The following PLD5 variants were observed in gnomAD, a reference collection of about 807,000 sequenced individuals.
PLD5 encodes inactive phospholipase D5.
PLD5 carries 36 observed loss-of-function variants against 61.1 expected under a neutral mutation model. The observed-to-expected ratio is 0.59, with a 90% confidence interval of 0.45 to 0.78. The LOEUF is 0.78. Ranked by LOEUF, PLD5 falls within the 30% of genes least tolerant of loss-of-function variation. The pLI is 0.00. For synonymous variants in PLD5, 243 were observed against 242.8 expected (o/e 1.00, Z -0.01); for missense variants, 515 against 644.4 (o/e 0.80, Z 2.17).
chr1:242,270,516 G>A (rs3001675), intron 3 of PLD5, among the ~76,000 whole-genome samples: 5 of 151,814 alleles, frequency 3.3e-5, no homozygotes, highest in African/African-American at 9.7e-5. Flanking sequence ...TGTTAAAGTC[G>A]GAAAAGGAAG....
At position 242,443,253 on chromosome 1, in the gene PLD5, A is replaced by T. The variant is rs536068516; in HGVS notation, c.189+80835T>A. Among the ~76,000 whole-genome samples the T allele has an allele frequency of 2.1e-3, 326 of 152,348 alleles. 1 individual carries two copies. Among genetic ancestry groups the T allele is most frequent in the Non-Finnish European group, 2.9e-3 (200 of 68,026 alleles). On this transcript the variant is annotated intron_variant, in intron 1 of 9. Transcript: ENST00000536534. Reference sequence around the variant, plus strand: ...ATTTTGTTTTTACTATTGAAAACAAAATAAGCACAGTGGTAAAATAAAAGA... The same window carrying T: ...ATTTTGTTTTTACTATTGAAAACAATATAAGCACAGTGGTAAAATAAAAGA...
chr1:242,397,294 A>C (rs190167364), intron 1 of PLD5, among the ~76,000 whole-genome samples: 1 of 151,482 alleles, frequency 6.6e-6, no homozygotes, highest in East Asian at 1.9e-4. Context: ...GGTTGATGGC[A>C]ACTCCATCCT....
chr1:242,237,130 CT>C (rs1019483569), intron 4 of PLD5, among the ~76,000 whole-genome samples: 3 of 151,344 alleles, frequency 2.0e-5, no homozygotes, highest in South Asian at 4.2e-4. Flanking sequence ...TTCTTTCTCC[CT>C]TTTTTTTTCT....
chr1:242,443,496 G>T (rs1666368217), intron 1 of PLD5, among the ~76,000 whole-genome samples: 1 of 152,106 alleles, frequency 6.6e-6, no homozygotes, highest in African/African-American at 2.4e-5. Context: ...GAGTCCTTAG[G>T]TGTCCAGGAT....
At chr1:242,527,491 T>A (rs1669476037), upstream of PLD5, among the ~76,000 whole-genome samples, 1 of 152,212 alleles carries the variant, frequency 6.6e-6, no homozygotes, top group Non-Finnish European at 1.5e-5. Flanking sequence ...AGCATACTAC[T>A]GAATTGAGCA....
At position 242,330,093 on chromosome 1, in the gene PLD5, C is replaced by A. The variant is rs567107303; in HGVS notation, c.326+18013G>T. ...TGATCCTCTTGAATTAGATTGAAAC[C>A]TAAGCACATGCACTTTAATAAGCAC... On this transcript the variant is annotated intron_variant, in intron 2 of 9. Coordinates refer to ENST00000536534, the MANE Select transcript of PLD5 (RefSeq NM_001372062.1). 5.9e-5 allele frequency among the ~76,000 whole-genome samples: 9 copies of A among 152,190 alleles called. No homozygotes were observed. The East Asian group carries it at 1.7e-3, about 29-fold the overall frequency.
At chr1:242,175,822 C>T (rs945985911) in intron 5 of PLD5, among the ~76,000 whole-genome samples, 1 of 152,140 alleles carries the variant, frequency 6.6e-6, no homozygotes, top group African/African-American at 2.4e-5. Context: ...AACAGAGAGC[C>T]AAATCATGAG....
intron 1 of PLD5, among the ~76,000 whole-genome samples, chr1:242,445,832 C>T (rs1487636222): frequency 6.6e-6 from 1 of 151,222 alleles, no homozygotes; most frequent in Admixed American, 6.6e-5. Context: ...CACATTTCAC[C>T]TCCAATCAGT....
Position 242,085,631 on chromosome 1 carries a change from A to G in PLD5, c.*4223T>C, listed in dbSNP as rs991011141. ...GAAGTTATATTAATTTTGCCTTTAA[A>G]AGGTGTATAATAAAGCACACCAGTT... On this transcript the variant is annotated 3_prime_UTR_variant, in exon 10 of 10. Transcript: ENST00000536534. The G allele has an allele frequency of 6.6e-6, 1 of 152,260 alleles. No individual in the cohort carries two copies. Among genetic ancestry groups the G allele is most frequent in the African/African-American group, 2.4e-5 (1 of 41,470 alleles). The allele number at this position is 152,260 out of a possible 1,614,324, so 9.4% of individuals were successfully genotyped here.
At chr1:242,484,991 CT>C (rs1667908489) in intron 1 of PLD5, among the ~76,000 whole-genome samples, 1 of 152,074 alleles carries the variant, frequency 6.6e-6, no homozygotes, top group Admixed American at 6.6e-5. Flanking sequence ...CAGAAAAGGC[CT>C]TTGACAAAAT....
At chr1:242,396,053 A>G (rs1233556858) in intron 1 of PLD5, among the ~76,000 whole-genome samples, 1 of 152,182 alleles carries the variant, frequency 6.6e-6, no homozygotes, top group Non-Finnish European at 1.5e-5. Flanking sequence ...CATCTCAAAA[A>G]AAAAAGTATC....
At chr1:242,197,785 C>T (rs981233376) in intron 5 of PLD5, among the ~76,000 whole-genome samples, 7 of 152,122 alleles carry the variant, frequency 4.6e-5, no homozygotes, top group Admixed American at 3.9e-4. Context: ...CAGGTACCTG[C>T]CATTATGCCC....
intron 2 of PLD5, among the ~76,000 whole-genome samples, chr1:242,299,431 A>C (rs1393903057): frequency 2.0e-5 from 3 of 152,230 alleles, no homozygotes; most frequent in Non-Finnish European, 2.9e-5. Flanking sequence ...TTTATTGAGG[A>C]TAAGAAACTG....
intron 1 of PLD5, among the ~76,000 whole-genome samples, chr1:242,443,927 T>C (rs1318382733): frequency 7.2e-5 from 11 of 152,326 alleles, no homozygotes; most frequent in Non-Finnish European, 5.9e-5. Flanking sequence ...ACCACATCAA[T>C]GGTATTTTCT....
intron 1 of PLD5, among the ~76,000 whole-genome samples, chr1:242,495,929 C>A (rs1013395947): frequency 6.6e-6 from 1 of 152,178 alleles, no homozygotes; most frequent in East Asian, 1.9e-4. Context: ...CACATGTTGT[C>A]GTGTTTCATG....
intron 1 of PLD5, among the ~76,000 whole-genome samples, chr1:242,507,353 GT>G (rs1668762261): frequency 6.6e-6 from 1 of 152,188 alleles, no homozygotes; most frequent in Non-Finnish European, 1.5e-5. Flanking sequence ...TTGTGCAGAA[GT>G]GACTGAGGCC....
intron 1 of PLD5, among the ~76,000 whole-genome samples, chr1:242,386,501 T>G (rs1662609347): frequency 6.6e-6 from 1 of 152,064 alleles, no homozygotes; most frequent in East Asian, 1.9e-4. Flanking sequence ...CTGAACCCAG[T>G]CCAGTCTGCA....
chr1:242,255,194 T>G (rs1044035103), intron 4 of PLD5, among the ~76,000 whole-genome samples: 1 of 151,998 alleles, frequency 6.6e-6, no homozygotes, highest in African/African-American at 2.4e-5. Flanking sequence ...ACTTGAAATG[T>G]TCAGCCTCCT....
intron 1 of PLD5, among the ~76,000 whole-genome samples, chr1:242,447,381 T>C (rs2102918247): frequency 6.6e-6 from 1 of 152,322 alleles, no homozygotes. Flanking sequence ...TTTGCAATGA[T>C]GAGAAACATG....
Sources: allele counts gnomAD v4.1 joint callset (sites outside exome capture counted in the v4.1 genomes callset), GRCh38; gene constraint gnomAD v4.1.1; transcripts MANE v1.5; gene names NCBI Gene and HGNC (gene_info 2026-07-23, HGNC 2026-07-21).